DLG2: variants seen among roughly 807,000 people sequenced by gnomAD.
The protein encoded by DLG2 is discs large MAGUK scaffold protein 2, also known as disks large homolog 2.
A neutral mutation model predicts 132.5 loss-of-function variants in DLG2; 45 were observed. That is an observed-to-expected ratio of 0.34 (90% confidence interval 0.27 to 0.44). The LOEUF (loss-of-function observed/expected upper bound fraction) is 0.44, where lower values mean the gene tolerates loss of function less well. DLG2 is among the 20% of genes least tolerant of loss of function. The probability of loss-of-function intolerance (pLI) is 1.00; values close to 1 mark genes in which losing one functional copy is unlikely to be tolerated. For synonymous variants in DLG2, 424 were observed against 419.6 expected (o/e 1.01, Z -0.13); for missense variants, 1,045 against 1,196.9 (o/e 0.87, Z 1.87).
At chr11:84,735,504 T>G (rs2063715755) in intron 6 of DLG2, among the ~76,000 whole-genome samples, 1 of 152,206 alleles carries the variant, frequency 6.6e-6, no homozygotes, top group African/African-American at 2.4e-5. Flanking sequence ...CATTTTTTAT[T>G]GCATCTATTT....
chr11:83,677,397 T>G (rs1363086527), intron 18 of DLG2, among the ~76,000 whole-genome samples: 2 of 152,178 alleles, frequency 1.3e-5, no homozygotes, highest in African/African-American at 4.8e-5. Context: ...TACTATGCGT[T>G]AAGTATTTAC....
chr11:84,240,975 C>G (rs1252930226), intron 8 of DLG2, among the ~76,000 whole-genome samples: 1 of 152,222 alleles, frequency 6.6e-6, no homozygotes, highest in African/African-American at 2.4e-5. Context: ...TCAACCCAAC[C>G]TCATATTATG....
chr11:83,768,555 T>C (rs957808535), intron 18 of DLG2, among the ~76,000 whole-genome samples: 1 of 152,210 alleles, frequency 6.6e-6, no homozygotes, highest in Non-Finnish European at 1.5e-5. Context: ...CCATAATCAC[T>C]ACCCTCTTCC....
At chr11:83,518,325 G>A (rs11233656) in intron 21 of DLG2, among the ~76,000 whole-genome samples, 5 of 151,944 alleles carry the variant, frequency 3.3e-5, no homozygotes, top group African/African-American at 7.3e-5. Flanking sequence ...CAAGCCAGGC[G>A]CGGGATATAA....
At chr11:84,848,336 A>G (rs1383770973) in intron 6 of DLG2, among the ~76,000 whole-genome samples, 1 of 152,010 alleles carries the variant, frequency 6.6e-6, no homozygotes, top group Non-Finnish European at 1.5e-5. Flanking sequence ...TCTACTAAAA[A>G]TACAAAAATT....
intron 6 of DLG2, among the ~76,000 whole-genome samples, chr11:84,741,759 T>C (rs966107157): frequency 2.0e-5 from 3 of 151,890 alleles, no homozygotes; most frequent in African/African-American, 7.3e-5. Flanking sequence ...CACCAAAAAG[T>C]AAGGAAACAT....
At chr11:84,749,666 T>C (rs1386060906) in intron 6 of DLG2, among the ~76,000 whole-genome samples, 2 of 152,132 alleles carry the variant, frequency 1.3e-5, no homozygotes, top group Non-Finnish European at 2.9e-5. Flanking sequence ...ATGATGCATT[T>C]CTCAGAACCT....
At chr11:84,386,469 T>C (rs1233020985) in intron 7 of DLG2, among the ~76,000 whole-genome samples, 1 of 152,102 alleles carries the variant, frequency 6.6e-6, no homozygotes, top group African/African-American at 2.4e-5. Context: ...TCAATATTAG[T>C]CATCATTCTT....
At chr11:83,873,659 G>C (rs2063930834) in intron 16 of DLG2, among the ~76,000 whole-genome samples, 1 of 152,172 alleles carries the variant, frequency 6.6e-6, no homozygotes, top group African/African-American at 2.4e-5. Flanking sequence ...AATACAACAG[G>C]TGATTGGTAG....
At position 85,517,684 on chromosome 11, in the gene DLG2, G is replaced by A. The variant is rs758767089; in HGVS notation, c.40+80973C>T. On this transcript the variant is annotated intron_variant, in intron 3 of 27. Coordinates refer to ENST00000376104, the MANE Select transcript of DLG2 (RefSeq NM_001142699.3). ...AAGTGCAATGGCACAATCATAGCTC[G>A]CTCACTGCAGTCTTGAATCTGGGAC... Among the ~76,000 whole-genome samples, 72 of 151,426 alleles carry A rather than the reference G, an allele frequency of 4.8e-4. 1 individual carries two copies. The highest frequency in any genetic ancestry group is 3.3e-4 in the Admixed American group (5 of 15,174).
intron 18 of DLG2, chr11:83,724,992 T>A (rs2153691458): frequency 4.3e-6 from 3 of 692,744 alleles, no homozygotes; most frequent in Non-Finnish European, 7.9e-6. Context: ...CCTGACGCTC[T>A]TGAGTGGTGG....
chr11:85,606,765 G>C (rs1348389098), intron 2 of DLG2, among the ~76,000 whole-genome samples: 1 of 152,204 alleles, frequency 6.6e-6, no homozygotes, highest in Middle Eastern at 3.4e-3. Context: ...AAGTCAGCGA[G>C]ACCATAAACC....
At chr11:84,337,410 A>G (rs995713664) in intron 7 of DLG2, among the ~76,000 whole-genome samples, 1 of 152,238 alleles carries the variant, frequency 6.6e-6, no homozygotes, top group Non-Finnish European at 1.5e-5. Context: ...TCACATAAGC[A>G]AAGAGAAAAA....
chr11:83,971,581 C>T (rs1199889806), intron 12 of DLG2, among the ~76,000 whole-genome samples: 1 of 152,012 alleles, frequency 6.6e-6, no homozygotes, highest in Non-Finnish European at 1.5e-5. Context: ...CATGTTCTTG[C>T]AGGAATATCA....
intron 19 of DLG2, among the ~76,000 whole-genome samples, chr11:83,599,094 T>C (rs2058096592): frequency 6.6e-6 from 1 of 152,224 alleles, no homozygotes; most frequent in South Asian, 2.1e-4. Context: ...AAGTCCTTCC[T>C]TGGCACTTAG....
At chr11:84,299,089 T>TA (rs1482088519) in intron 7 of DLG2, among the ~76,000 whole-genome samples, 1 of 152,196 alleles carries the variant, frequency 6.6e-6, no homozygotes, top group Non-Finnish European at 1.5e-5. Context: ...CTCTTGGAGA[T>TA]ATAAGCCCCC....
intron 21 of DLG2, among the ~76,000 whole-genome samples, chr11:83,510,555 G>A (rs963739208): frequency 6.6e-6 from 1 of 152,152 alleles, no homozygotes; most frequent in Non-Finnish European, 1.5e-5. Flanking sequence ...CGTTTTAGCA[G>A]GATGCATCAC....
At chr11:83,708,359 C>T (rs1047850568) in intron 18 of DLG2, among the ~76,000 whole-genome samples, 1 of 152,130 alleles carries the variant, frequency 6.6e-6, no homozygotes, top group Non-Finnish European at 1.5e-5. Flanking sequence ...GAATTACCAG[C>T]ACAAATGTTG....
At chr11:85,568,687 A>C (rs1030866088) in intron 3 of DLG2, among the ~76,000 whole-genome samples, 1 of 152,110 alleles carries the variant, frequency 6.6e-6, no homozygotes, top group Non-Finnish European at 1.5e-5. Context: ...TATGTTGTCT[A>C]ATTTGTTCGG....
Sources: allele counts gnomAD v4.1 joint callset (sites outside exome capture counted in the v4.1 genomes callset), GRCh38; gene constraint gnomAD v4.1.1; transcripts MANE v1.5; gene names NCBI Gene and HGNC (gene_info 2026-07-23, HGNC 2026-07-21).